CNTNAP2: variants seen among roughly 807,000 people sequenced by gnomAD.
CNTNAP2 encodes the protein contactin associated protein 2.
Under a neutral mutation model 155.2 loss-of-function variants are expected in CNTNAP2, and 98 were observed. The ratio of observed to expected loss-of-function variants is 0.63; its 90% confidence interval spans 0.54 to 0.75. The LOEUF (loss-of-function observed/expected upper bound fraction) is 0.75, where lower values mean the gene tolerates loss of function less well. Ranked by LOEUF, CNTNAP2 falls within the 30% of genes least tolerant of loss-of-function variation. CNTNAP2 has a pLI of 0.00. For synonymous variants in CNTNAP2, 651 were observed against 631.2 expected (o/e 1.03, Z -0.47); for missense variants, 1,727 against 1,688.1 (o/e 1.02, Z -0.40).
Position 147,529,912 on chromosome 7 carries a change from C to A in CNTNAP2, c.1778-32226C>A, listed in dbSNP as rs182985808. ...AGGACTCCACCAGGTGTGATAAGGTCCCAATCTAATAAAAGTTTAACTATC... is the reference window on the plus strand; with the variant it reads ...AGGACTCCACCAGGTGTGATAAGGTACCAATCTAATAAAAGTTTAACTATC... On this transcript the variant is annotated intron_variant, in intron 11 of 23. Coordinates refer to ENST00000361727, the MANE Select transcript of CNTNAP2 (RefSeq NM_014141.6). Among the ~76,000 whole-genome samples the A allele has an allele frequency of 2.0e-5, 3 of 152,214 alleles. No homozygotes were observed. The East Asian group carries it at 5.8e-4, about 29-fold the overall frequency.
intron 4 of CNTNAP2, among the ~76,000 whole-genome samples, chr7:147,103,660 T>G (rs536112978): frequency 6.6e-6 from 1 of 152,110 alleles, no homozygotes; most frequent in East Asian, 1.9e-4. Context: ...ATTAGTTTAT[T>G]TTTTATAAAA....
chr7:147,542,734 A>G (rs1340620007), intron 11 of CNTNAP2, among the ~76,000 whole-genome samples: 1 of 152,122 alleles, frequency 6.6e-6, no homozygotes, highest in African/African-American at 2.4e-5. Flanking sequence ...GAGATCCATA[A>G]ATTTGTGTTT....
intron 17 of CNTNAP2, among the ~76,000 whole-genome samples, chr7:148,149,102 T>C (rs1243098327): frequency 2.6e-5 from 4 of 152,194 alleles, no homozygotes; most frequent in Non-Finnish European, 5.9e-5. Flanking sequence ...GCTGGGTAGA[T>C]TCTATCTGGT....
intron 5 of CNTNAP2, among the ~76,000 whole-genome samples, chr7:147,117,427 G>A (rs1801012908): frequency 6.6e-6 from 1 of 152,210 alleles, no homozygotes; most frequent in Non-Finnish European, 1.5e-5. Flanking sequence ...TCCTGGGTAG[G>A]CTGTAGCCCC....
chr7:148,157,491 T>C (rs1049498103), intron 17 of CNTNAP2, among the ~76,000 whole-genome samples: 15 of 148,504 alleles, frequency 1.0e-4, no homozygotes, highest in African/African-American at 3.8e-4. Flanking sequence ...TCTCAAAATG[T>C]GATGATATTT....
At chr7:146,277,463 T>C (rs992952390) in intron 1 of CNTNAP2, among the ~76,000 whole-genome samples, 1 of 152,080 alleles carries the variant, frequency 6.6e-6, no homozygotes, top group African/African-American at 2.4e-5. Context: ...TGGAGGAAAA[T>C]ACTGAGCCAG....
At chr7:147,351,196 A>G (rs1795962875) in intron 9 of CNTNAP2, among the ~76,000 whole-genome samples, 1 of 151,836 alleles carries the variant, frequency 6.6e-6, no homozygotes, top group East Asian at 1.9e-4. Flanking sequence ...CAATATATTA[A>G]GCCCTGATAT....
intron 8 of CNTNAP2, among the ~76,000 whole-genome samples, chr7:147,143,188 TCTGCCTC>T (rs1304988489): frequency 1.3e-5 from 2 of 152,150 alleles, no homozygotes; most frequent in African/African-American, 4.8e-5. Context: ...TGCTCTTCTC[TCTGCCTC>T]CTGCCTCTCT....
intron 13 of CNTNAP2, among the ~76,000 whole-genome samples, chr7:147,795,754 T>TCATG (rs1797883576): frequency 6.6e-6 from 1 of 152,152 alleles, no homozygotes; most frequent in East Asian, 1.9e-4. Flanking sequence ...ATTAACTAGT[T>TCATG]GAATGATCAT....
intron 1 of CNTNAP2, among the ~76,000 whole-genome samples, chr7:146,765,562 G>A (rs1050164701): frequency 2.0e-5 from 3 of 152,124 alleles, no homozygotes; most frequent in African/African-American, 7.2e-5. Context: ...CTGCATGACA[G>A]ATTTTGAGGC....
rs1417591365 is a variant in CNTNAP2, at chr7:147,033,148, ATATATATATATG to A, written c.403-10747_403-10736del. 1.1e-3 allele frequency among the ~76,000 whole-genome samples: 95 copies of A among 84,192 alleles called. 1 individual carries two copies. Among genetic ancestry groups the A allele is most frequent in the Middle Eastern group, 0.014 (2 of 138 alleles). The allele number at this position is 84,192 out of a possible 152,430, so 55.2% of individuals were successfully genotyped here. On this transcript the variant is annotated intron_variant, in intron 3 of 23. Coordinates refer to ENST00000361727, the MANE Select transcript of CNTNAP2 (RefSeq NM_014141.6). ...TAGGGTCTAGAGAGGATATTGCTGC[ATATATATATATG>A]TATATATATATATATATATATATAT...
intron 10 of CNTNAP2, among the ~76,000 whole-genome samples, chr7:147,425,708 C>T (rs7781884): frequency 0.034 from 5,225 of 152,112 alleles, 298 homozygotes; most frequent in African/African-American, 0.12. Flanking sequence ...TCCATATACC[C>T]AAGGAAGGGT....
intron 6 of CNTNAP2, chr7:147,121,853 A>T (rs1801119558): frequency 1.3e-5 from 2 of 152,348 alleles, no homozygotes; most frequent in African/African-American, 4.8e-5. Context: ...ATCCATTAAA[A>T]CTGTTAATCA....
intron 1 of CNTNAP2, among the ~76,000 whole-genome samples, chr7:146,730,245 T>C (rs1483450477): frequency 6.6e-6 from 1 of 152,224 alleles, no homozygotes; most frequent in African/African-American, 2.4e-5. Context: ...CAGTTTGCTC[T>C]CTTTCCCTAC....
intron 8 of CNTNAP2, among the ~76,000 whole-genome samples, chr7:147,191,579 G>T (rs1802681423): frequency 6.6e-6 from 1 of 152,088 alleles, no homozygotes. Context: ...ACTGCCTAAT[G>T]ATTTGATATC....
intron 15 of CNTNAP2, among the ~76,000 whole-genome samples, chr7:148,058,124 A>T (rs1048972924): frequency 1.3e-5 from 2 of 152,138 alleles, no homozygotes; most frequent in African/African-American, 2.4e-5. Flanking sequence ...AGTCAAATAT[A>T]TACCCTCTAG....
At position 148,419,461 on chromosome 7, in the gene CNTNAP2, GCT is replaced by G. The variant is rs1415807194; in HGVS notation, c.*3848_*3849del. ...TTGTTTTGTTTTGAGACGGAGTCTT[GCT>G]CTGTCCCCCAGGCTGGAGTGCACTG... On this transcript the variant is annotated 3_prime_UTR_variant, in exon 24 of 24. Transcript: ENST00000361727. 1 of 152,070 alleles carries G rather than the reference GCT, an allele frequency of 6.6e-6. No individual in the cohort carries two copies. Among genetic ancestry groups the G allele is most frequent in the East Asian group, 1.9e-4 (1 of 5,148 alleles). The allele number at this position is 152,070 out of a possible 1,614,324, so 9.4% of individuals were successfully genotyped here.
At chr7:146,714,065 C>G (rs771045252) in intron 1 of CNTNAP2, among the ~76,000 whole-genome samples, 1 of 152,070 alleles carries the variant, frequency 6.6e-6, no homozygotes. Context: ...GATTACTGCT[C>G]TCTCCTGGAG....
intron 1 of CNTNAP2, among the ~76,000 whole-genome samples, chr7:146,490,990 A>G (rs985723789): frequency 2.0e-5 from 3 of 152,204 alleles, no homozygotes; most frequent in Non-Finnish European, 2.9e-5. Context: ...GTAGATATTT[A>G]TCTATAAATA....
Sources: allele counts gnomAD v4.1 joint callset (sites outside exome capture counted in the v4.1 genomes callset), GRCh38; gene constraint gnomAD v4.1.1; transcripts MANE v1.5; gene names NCBI Gene and HGNC (gene_info 2026-07-23, HGNC 2026-07-21).